Variants in SGCZ observed in about 807,000 individuals in gnomAD.
SGCZ encodes zeta-sarcoglycan.
A neutral mutation model predicts 41.3 loss-of-function variants in SGCZ; 40 were observed. The ratio of observed to expected loss-of-function variants is 0.97; its 90% confidence interval spans 0.75 to 1.26. The LOEUF (loss-of-function observed/expected upper bound fraction) is 1.26, where lower values mean the gene tolerates loss of function less well. Ranked by LOEUF, SGCZ falls within the 50% of genes most tolerant of loss-of-function variation. The probability of loss-of-function intolerance (pLI) is 0.00; values close to 1 mark genes in which losing one functional copy is unlikely to be tolerated. For missense variants in SGCZ, 552 were observed against 369.8 expected, an observed-to-expected ratio of 1.49 and a Z score of -4.04; for synonymous variants, 206 against 137.5, an observed-to-expected ratio of 1.50 and a Z score of -3.49.
chr8:14,850,886 G>A (rs1035064312), intron 1 of SGCZ, among the ~76,000 whole-genome samples: 27 of 152,000 alleles, frequency 1.8e-4, no homozygotes, highest in Admixed American at 1.4e-3. Context: ...CTTCCCCTTC[G>A]CCTTCCACCA....
intron 5 of SGCZ, among the ~76,000 whole-genome samples, chr8:14,119,647 G>A (rs1282809936): frequency 6.6e-6 from 1 of 152,110 alleles, no homozygotes; most frequent in African/African-American, 2.4e-5. Context: ...AGTTTTTGAA[G>A]GGAATGCTGC....
At position 15,164,639 on chromosome 8, in the gene SGCZ, GT is replaced by G. The variant is rs71211011; in HGVS notation, c.39+72945del. On this transcript the variant is annotated intron_variant, in intron 1 of 7. Coordinates refer to ENST00000382080, the MANE Select transcript of SGCZ (RefSeq NM_139167.4). The stretch of plus-strand genomic sequence containing the variant: ...CCATCAGCAGTTAAGTTTTAAGCAA[GT>G]TTTTTTTTTTTTTTAAGAAGACATT... Among the ~76,000 whole-genome samples, 90 of 140,796 alleles carry G rather than the reference GT, an allele frequency of 6.4e-4. No homozygotes were observed. The East Asian group carries it at 0.013, about 20-fold the overall frequency. 92.4% of individuals were successfully genotyped at this position (140,796 alleles called of 152,430 possible).
chr8:14,973,865 A>G (rs557179638), intron 1 of SGCZ, among the ~76,000 whole-genome samples: 51 of 152,314 alleles, frequency 3.3e-4, no homozygotes, highest in African/African-American at 9.4e-4. Context: ...AACCCAGTGC[A>G]TATATGATTT....
intron 1 of SGCZ, among the ~76,000 whole-genome samples, chr8:14,607,075 C>G (rs1306698692): frequency 1.3e-5 from 2 of 152,100 alleles, no homozygotes; most frequent in Non-Finnish European, 2.9e-5. Flanking sequence ...AATGGCTCAT[C>G]TATTCATTGA....
intron 5 of SGCZ, among the ~76,000 whole-genome samples, chr8:14,112,147 G>A (rs1802390609): frequency 6.6e-6 from 1 of 151,974 alleles, no homozygotes; most frequent in Non-Finnish European, 1.5e-5. Flanking sequence ...ACCTCACATT[G>A]AGAAAAAGAA....
chr8:14,590,040 C>G, intron 1 of SGCZ, among the ~76,000 whole-genome samples: 1 of 152,046 alleles, frequency 6.6e-6, no homozygotes, highest in East Asian at 1.9e-4. Flanking sequence ...TTCCTTCTTT[C>G]TTTGCTACTT....
intron 1 of SGCZ, among the ~76,000 whole-genome samples, chr8:14,777,226 G>C (rs746033451): frequency 6.6e-6 from 1 of 152,066 alleles, no homozygotes; most frequent in South Asian, 2.1e-4. Context: ...TCATCATGAC[G>C]ACTTGAATTA....
chr8:15,235,573 C>T (rs1802093790), intron 1 of SGCZ, among the ~76,000 whole-genome samples: 1 of 152,158 alleles, frequency 6.6e-6, no homozygotes, highest in African/African-American at 2.4e-5. Context: ...ATGAGGATCT[C>T]TGGATTATCT....
At chr8:14,539,106 G>C (rs552518159) in intron 2 of SGCZ, among the ~76,000 whole-genome samples, 2 of 151,958 alleles carry the variant, frequency 1.3e-5, no homozygotes, top group South Asian at 2.1e-4. Flanking sequence ...ATCAGTTAAA[G>C]AATTTAAAAG....
intron 7 of SGCZ, among the ~76,000 whole-genome samples, chr8:14,100,833 C>G (rs1801997425): frequency 6.6e-6 from 1 of 151,776 alleles, no homozygotes; most frequent in South Asian, 2.1e-4. Context: ...CTGAAGAGGA[C>G]TGAAATACTC....
chr8:14,252,158 A>G (rs933961360), intron 3 of SGCZ, among the ~76,000 whole-genome samples: 25 of 151,836 alleles, frequency 1.6e-4, no homozygotes, highest in African/African-American at 6.0e-4. Flanking sequence ...TGTCTCTTTA[A>G]TGCTCTCTTA....
intron 1 of SGCZ, among the ~76,000 whole-genome samples, chr8:14,972,277 G>C (rs1585425088): frequency 8.4e-6 from 1 of 119,186 alleles, no homozygotes; most frequent in East Asian, 2.0e-4. Context: ...TGTTTCCTCT[G>C]TCATTTCTGG....
chr8:14,897,540 G>T (rs144475220), intron 1 of SGCZ, among the ~76,000 whole-genome samples: 1 of 152,194 alleles, frequency 6.6e-6, no homozygotes, highest in African/African-American at 2.4e-5. Flanking sequence ...CATCCAAATT[G>T]CACCCTCAGT....
intron 3 of SGCZ, among the ~76,000 whole-genome samples, chr8:14,289,969 G>T (rs948342257): frequency 6.6e-6 from 1 of 151,794 alleles, no homozygotes; most frequent in African/African-American, 2.4e-5. Flanking sequence ...AGTGAGTGGC[G>T]AACCACCAGA....
chr8:15,142,603 T>C (rs17575278), intron 1 of SGCZ, among the ~76,000 whole-genome samples: 9,275 of 151,972 alleles, frequency 0.061, 345 homozygotes, highest in Middle Eastern at 0.13. Context: ...TCCAGTCTTA[T>C]TCAAGTAACA....
rs963426359 is a variant in SGCZ, at chr8:14,313,946, G to C, written c.336+10157C>G. 2.9e-3 allele frequency among the ~76,000 whole-genome samples: 438 copies of C among 150,702 alleles called. 3 individuals are homozygous for C. Among genetic ancestry groups the C allele is most frequent in the African/African-American group, 0.01 (415 of 40,936 alleles). ...TGTGTGTGTGTGTGTGTGTGTGTGT[G>C]TGTGTGTGTTGGTGGAGAGAAAGAT... is the stretch of plus-strand genomic sequence containing the variant. On this transcript the variant is annotated intron_variant, in intron 3 of 7. Transcript: ENST00000382080.
chr8:15,198,799 G>C (rs1048363977), intron 1 of SGCZ, among the ~76,000 whole-genome samples: 1 of 152,158 alleles, frequency 6.6e-6, no homozygotes, highest in Admixed American at 6.5e-5. Flanking sequence ...GCACAGCTAA[G>C]TTACAGGGCT....
chr8:14,368,944 G>A (rs1303706768), intron 2 of SGCZ, among the ~76,000 whole-genome samples: 1 of 151,830 alleles, frequency 6.6e-6, no homozygotes, highest in Non-Finnish European at 1.5e-5. Flanking sequence ...GGACTGTGCT[G>A]TCTTTCTGAT....
At chr8:14,187,826 C>T (rs1411326598) in intron 4 of SGCZ, among the ~76,000 whole-genome samples, 1 of 152,030 alleles carries the variant, frequency 6.6e-6, no homozygotes, top group Non-Finnish European at 1.5e-5. Flanking sequence ...ATAAAGTACA[C>T]ATTCAGAAAA....
Sources: gnomAD v4.1 joint callset for allele counts (sites outside exome capture counted in the v4.1 genomes callset) on GRCh38, gnomAD v4.1.1 for gene constraint, MANE v1.5 for transcripts, NCBI Gene and HGNC (gene_info 2026-07-23, HGNC 2026-07-21) for gene names.